Variants in HOTAIR observed in about 807,000 individuals in gnomAD.
HOTAIR encodes HOX transcript antisense RNA.
At chr12:53,969,098 C>T (rs891998612) in intron 1 of HOTAIR, among the ~76,000 whole-genome samples, 8 of 152,166 alleles carry the variant, frequency 5.3e-5, no homozygotes, top group African/African-American at 1.4e-4. Context: ...TGTGGTGAGG[C>T]GGGAGATCTG....
In HOTAIR at chr12:53,973,874, C is replaced by G; in HGVS notation, n.59+1024G>C. On this transcript the variant is annotated intron_variant and non_coding_transcript_variant, in intron 1 of 6. Coordinates refer to ENST00000424518, the Ensembl canonical transcript of HOTAIR. The surrounding 1 kb of genome is among the most constrained non-coding windows in gnomAD (Gnocchi z 4.3). ...AGGAGAACACAAATCCCAGCTCGTC[C>G]GGTTCAGCCCACTCCGTGGCCAAGG... 1 of 1,460,128 alleles carries G rather than the reference C, an allele frequency of 6.8e-7. No homozygotes were observed. The highest frequency in any genetic ancestry group is 9.0e-7 in the Non-Finnish European group (1 of 1,106,818). The allele number at this position is 1,460,128 out of a possible 1,614,324, so 90.4% of individuals were successfully genotyped here.
chr12:53,972,867 C>T (rs1433577969), intron 1 of HOTAIR, among the ~76,000 whole-genome samples: 1 of 152,146 alleles, frequency 6.6e-6, no homozygotes, highest in Non-Finnish European at 1.5e-5. Context: ...ACAATTACCC[C>T]TTCCCAGCCA....
exon 7 of HOTAIR, chr12:53,962,696 T>A (rs985538057): frequency 5.9e-5 from 6 of 102,018 alleles, no homozygotes; most frequent in African/African-American, 1.6e-4. Flanking sequence ...GTAATCTCCA[T>A]CTGCTGATTT....
intron 1 of HOTAIR, among the ~76,000 whole-genome samples, chr12:53,969,418 C>T (rs565552215): frequency 3.3e-4 from 50 of 152,286 alleles, no homozygotes; most frequent in African/African-American, 1.2e-3. Flanking sequence ...TCCCAGGAAC[C>T]TCTGAGCAGC....
exon 7 of HOTAIR, chr12:53,963,418 T>G (rs1359592266): frequency 6.6e-6 from 1 of 152,258 alleles, no homozygotes; most frequent in African/African-American, 2.4e-5. Flanking sequence ...CCCATTTGGA[T>G]CTTTCCTTAG....
In HOTAIR at chr12:53,973,519, A is replaced by T. The variant is rs945638731; in HGVS notation, n.59+1379T>A. On this transcript the variant is annotated intron_variant and non_coding_transcript_variant, in intron 1 of 6. Transcript: ENST00000424518. This position sits in a 1 kb window ranked among gnomAD's most constrained non-coding sequence, Gnocchi z 4.3. ...CATCGGAACAGCTACTCCTCCTGCT[A>T]TGCGGCGGCCGACGAGCTTATGCAC... The T allele has an allele frequency of 1.2e-6, 2 of 1,613,478 alleles. No individual in the cohort carries two copies. The highest frequency in any genetic ancestry group is 1.7e-6 in the Non-Finnish European group (2 of 1,179,958).
At chr12:53,962,857 C>A (rs1328042506) in exon 7 of HOTAIR, 1 of 152,138 alleles carries the variant, frequency 6.6e-6, no homozygotes, top group East Asian at 1.9e-4. Context: ...TGCAAAGTCC[C>A]GTTTGCAGCA....
At chr12:53,974,654 C>T (rs1458463525) in intron 1 of HOTAIR, among the ~76,000 whole-genome samples, 1 of 151,114 alleles carries the variant, frequency 6.6e-6, no homozygotes, top group Non-Finnish European at 1.5e-5. Context: ...GGCGCTGCCC[C>T]GCGGGCTTCC....
At chr12:53,965,057 G>A (rs2136370550) in intron 5 of HOTAIR, among the ~76,000 whole-genome samples, 1 of 152,332 alleles carries the variant, frequency 6.6e-6, no homozygotes, top group South Asian at 2.1e-4. Flanking sequence ...GCTGGAGCCT[G>A]GGAGGCAGCA....
intron 5 of HOTAIR, among the ~76,000 whole-genome samples, chr12:53,965,563 G>T (rs1459280639): frequency 6.6e-6 from 1 of 152,208 alleles, no homozygotes; most frequent in South Asian, 2.1e-4. Context: ...TATTTGTGTT[G>T]TTGTTGTTTC....
In HOTAIR at chr12:53,973,367, C is replaced by G; in HGVS notation, n.59+1531G>C. ...TGCCCAGTTGCACTTACTACATGCC[C>G]GAGTTCTCCACGGTCTCCTCCTTCC... On this transcript the variant is annotated intron_variant and non_coding_transcript_variant, in intron 1 of 6. Coordinates refer to ENST00000424518, the Ensembl canonical transcript of HOTAIR. The surrounding 1 kb of genome is among the most constrained non-coding windows in gnomAD (Gnocchi z 4.3). 6.2e-7 allele frequency: 1 copy of G among 1,614,174 alleles called. No individual in the cohort carries two copies. The highest frequency in any genetic ancestry group is 8.5e-7 in the Non-Finnish European group (1 of 1,180,024).
intron 4 of HOTAIR, chr12:53,966,103 G>A (rs907914693): frequency 6.6e-6 from 1 of 152,266 alleles, no homozygotes; most frequent in African/African-American, 2.4e-5. Context: ...CCGGGGGTGA[G>A]CCGGCCGGGG....
At chr12:53,964,520 G>A (rs1031668570) in intron 5 of HOTAIR, among the ~76,000 whole-genome samples, 1 of 152,192 alleles carries the variant, frequency 6.6e-6, no homozygotes, top group Non-Finnish European at 1.5e-5. Context: ...ATGTAAGAAC[G>A]CAGGACTCTC....
rs762569969 is a variant in HOTAIR, at chr12:53,973,290, G to T, written n.59+1608C>A. On this transcript the variant is annotated intron_variant and non_coding_transcript_variant, in intron 1 of 6. Transcript: ENST00000424518. The surrounding 1 kb of genome is among the most constrained non-coding windows in gnomAD (Gnocchi z 4.3). ...CAACTTCTGCTCTCCGTCGCGCAAG[G>T]AGAGGGGCGCAGATTTCGGCGAGCG... 2 of 1,613,816 alleles carry T rather than the reference G, an allele frequency of 1.2e-6. No homozygotes were observed. Among genetic ancestry groups the T allele is most frequent in the Non-Finnish European group, 1.7e-6 (2 of 1,179,994 alleles).
intron 1 of HOTAIR, among the ~76,000 whole-genome samples, chr12:53,969,472 G>A (rs370209188): frequency 3.3e-5 from 5 of 152,304 alleles, no homozygotes; most frequent in South Asian, 4.1e-4. Context: ...CAGGCTTGGG[G>A]CAATGGCCAA....
rs1167438561 is a variant in HOTAIR, at chr12:53,973,691, C to T, written n.59+1207G>A. The stretch of plus-strand genomic sequence containing the variant: ...ACAAGAACAGCGTCCTGCCTCAAGC[C>T]TTCGACCGTTTCTTCGACAACGCCT... On this transcript the variant is annotated intron_variant and non_coding_transcript_variant, in intron 1 of 6. Coordinates refer to ENST00000424518, the Ensembl canonical transcript of HOTAIR. The surrounding 1 kb of genome is among the most constrained non-coding windows in gnomAD (Gnocchi z 4.3). The T allele has an allele frequency of 9.3e-6, 15 of 1,613,712 alleles. No homozygotes were observed. The highest frequency in any genetic ancestry group is 1.7e-5 in the Admixed American group (1 of 60,032).
At chr12:53,968,095 A>T (rs1939087614) in intron 2 of HOTAIR, 1 of 152,262 alleles carries the variant, frequency 6.6e-6, no homozygotes, top group Non-Finnish European at 1.5e-5. Flanking sequence ...AGGCAGGAAC[A>T]CTTAAAATGC....
intron 1 of HOTAIR, among the ~76,000 whole-genome samples, chr12:53,972,500 G>A (rs1939164409): frequency 6.6e-6 from 1 of 152,234 alleles, no homozygotes; most frequent in African/African-American, 2.4e-5. Flanking sequence ...GCCAGACAAA[G>A]TTGGGACACT....
chr12:53,965,691 T>G (rs563133033), intron 5 of HOTAIR, among the ~76,000 whole-genome samples: 1 of 142,630 alleles, frequency 7.0e-6, no homozygotes. Context: ...CCGGCAAGGG[T>G]AAAAAGAATG....
Sources: allele counts gnomAD v4.1 joint callset (sites outside exome capture counted in the v4.1 genomes callset), GRCh38; gene constraint gnomAD v4.1.1; non-coding constraint Gnocchi (gnomAD v3.1); transcripts MANE v1.5; gene names NCBI Gene and HGNC (gene_info 2026-07-23, HGNC 2026-07-21).